The following TBL1XR1 variants were observed in gnomAD, a reference collection of about 807,000 sequenced individuals.
The protein encoded by TBL1XR1 is TBL1X/Y related 1.
In TBL1XR1, 5 loss-of-function variants were observed where a neutral mutation model predicts 66.9. The ratio of observed to expected loss-of-function variants is 0.07; its 90% CI spans 0.04 to 0.16. The LOEUF (loss-of-function observed/expected upper bound fraction) is 0.16. TBL1XR1 is among the 10% of genes least tolerant of loss of function. The pLI is 1.00. For synonymous variants in TBL1XR1, 210 were observed against 206.0 expected (o/e 1.02, Z -0.17); for missense variants, 238 against 623.2 (o/e 0.38, Z 6.58).
intron 3 of TBL1XR1, among the ~76,000 whole-genome samples, chr3:177,061,375 T>C (rs971398077): frequency 6.6e-6 from 1 of 152,204 alleles, no homozygotes; most frequent in Non-Finnish European, 1.5e-5. Context: ...CCCCTGCAGA[T>C]AGATAACACA....
intron 10 of TBL1XR1, among the ~76,000 whole-genome samples, chr3:177,039,995 C>T (rs906273748): frequency 6.6e-6 from 1 of 152,088 alleles, no homozygotes; most frequent in Non-Finnish European, 1.5e-5. Flanking sequence ...AGTTTGTCAA[C>T]CCTAATTTAA....
upstream of TBL1XR1, among the ~76,000 whole-genome samples, chr3:177,198,263 T>A (rs1032484751): frequency 2.0e-5 from 3 of 152,170 alleles, no homozygotes; most frequent in African/African-American, 7.2e-5. Context: ...AAAGCTGTAA[T>A]TGAAGTATTT....
In TBL1XR1 at chr3:177,054,429, A is replaced by G. The variant is rs1204903400; in HGVS notation, c.59-511T>C. Among the ~76,000 whole-genome samples, 7 of 152,290 alleles carry G rather than the reference A, an allele frequency of 4.6e-5. No individual in the cohort carries two copies. In the South Asian group the frequency reaches 1.2e-3, roughly 27 times the overall value. On this transcript the variant is annotated intron_variant, in intron 3 of 15. Transcript: ENST00000457928. ...TCAGCATCTCTCAAAAGTGGTACAC[A>G]TAATATGCTTTAAATAGGAATTCAT...
At chr3:177,162,803 C>T (rs1440666486) in intron 1 of TBL1XR1, among the ~76,000 whole-genome samples, 1 of 152,092 alleles carries the variant, frequency 6.6e-6, no homozygotes, top group Non-Finnish European at 1.5e-5. Flanking sequence ...CTTAAATATA[C>T]AAAAAGATGC....
intron 1 of TBL1XR1, among the ~76,000 whole-genome samples, chr3:177,164,377 G>C (rs578166580): frequency 6.7e-6 from 1 of 149,278 alleles, no homozygotes; most frequent in East Asian, 1.9e-4. Flanking sequence ...GAAATGTGGA[G>C]TCTTGCCTGT....
intron 1 of TBL1XR1, among the ~76,000 whole-genome samples, chr3:177,173,498 T>C (rs913301614): frequency 3.3e-5 from 5 of 152,166 alleles, no homozygotes; most frequent in Admixed American, 1.3e-4. Flanking sequence ...ATCAACTCTA[T>C]GGTATTGTAC....
intron 1 of TBL1XR1, among the ~76,000 whole-genome samples, chr3:177,100,550 G>A (rs1422306069): frequency 6.6e-6 from 1 of 151,698 alleles, no homozygotes; most frequent in Non-Finnish European, 1.5e-5. Flanking sequence ...TCAGCCTCCT[G>A]AGTAGCTGGC....
intron 2 of TBL1XR1, among the ~76,000 whole-genome samples, chr3:177,095,637 G>A (rs542489064): frequency 4.6e-5 from 7 of 151,914 alleles, no homozygotes; most frequent in Middle Eastern, 3.4e-3. Flanking sequence ...GCGCCACCAC[G>A]CCTGGCTAAT....
At chr3:177,050,640 C>T (rs900435666) in intron 5 of TBL1XR1, 30 bp from the exon 6 acceptor site, 4 of 1,612,540 alleles carry the variant, frequency 2.5e-6, no homozygotes, top group Non-Finnish European at 3.4e-6. Flanking sequence ...TAAGCATTTC[C>T]AGTTAGGCAG....
chr3:177,060,381 T>A (rs1043102778), intron 3 of TBL1XR1, among the ~76,000 whole-genome samples: 5 of 152,192 alleles, frequency 3.3e-5, no homozygotes. Context: ...CTCATTTTAG[T>A]AACAAGGACA....
intron 1 of TBL1XR1, among the ~76,000 whole-genome samples, chr3:177,103,958 A>G (rs1037274823): frequency 3.9e-5 from 6 of 152,086 alleles, no homozygotes; most frequent in Non-Finnish European, 8.8e-5. Flanking sequence ...TCTAATGAAA[A>G]TACAAAAATT....
chr3:177,050,567 G>T lies in TBL1XR1; in HGVS notation c.471C>A (p.Ile157=). 6.2e-7 allele frequency: 1 copy of T among 1,613,770 alleles called. No homozygotes were observed. The highest frequency in any genetic ancestry group is 1.1e-5 in the South Asian group (1 of 91,060). ...GCAACACAACAGCTTTATTAGGAGG[G>T]ATTTCAACATCCCCATCCACTTCCA... ...DMMEVDGDVE[I]PPNKAVVLRG... is the part of the protein sequence containing the mutation. Residue 157 remains isoleucine, a synonymous_variant, in exon 6 of 16, where the codon ATC becomes ATA. Transcript: ENST00000457928.
At chr3:177,152,447 C>T (rs942851602) in intron 1 of TBL1XR1, among the ~76,000 whole-genome samples, 2 of 152,178 alleles carry the variant, frequency 1.3e-5, no homozygotes, top group African/African-American at 2.4e-5. Flanking sequence ...CCACCACGCC[C>T]GGCTAATTTT....
rs1289685291 is a variant in TBL1XR1, at chr3:177,098,461, CTTA to C, written c.-46+2_-46+4del. ...ACACTGACATTGGGAGTTGGAGAGTCTTACCATTGGCAGTGCATTGATGTGGGG... is the reference window on the plus strand; with the variant it reads ...ACACTGACATTGGGAGTTGGAGAGTCCCATTGGCAGTGCATTGATGTGGGG... On this transcript the variant is annotated splice_donor_variant and splice_donor_region_variant and intron_variant, in intron 2 of 15. Transcript: ENST00000457928. LOFTEE classifies it low-confidence loss of function (5UTR_SPLICE). The C allele has an allele frequency of 1.0e-6, 1 of 985,092 alleles. No homozygotes were observed. Among genetic ancestry groups the C allele is most frequent in the Non-Finnish European group, 1.2e-6 (1 of 829,418 alleles). 61.0% of individuals were successfully genotyped at this position (985,092 alleles called of 1,614,324 possible). A position where few individuals can be genotyped will look rare whatever the true frequency, so the allele number is the denominator to read the frequency against.
At chr3:177,167,910 G>C (rs1349353923) in intron 1 of TBL1XR1, among the ~76,000 whole-genome samples, 2 of 151,824 alleles carry the variant, frequency 1.3e-5, no homozygotes, top group Non-Finnish European at 2.9e-5. Flanking sequence ...TGGGCAACAA[G>C]AGCGAAACAC....
chr3:177,183,844 G>C (rs1735105735), intron 1 of TBL1XR1, among the ~76,000 whole-genome samples: 1 of 149,382 alleles, frequency 6.7e-6, no homozygotes, highest in Non-Finnish European at 1.5e-5. Context: ...GCTCACGCCT[G>C]TAATCCCAGC....
At chr3:177,040,813 A>T (rs565009699) in intron 10 of TBL1XR1, among the ~76,000 whole-genome samples, 1 of 152,338 alleles carries the variant, frequency 6.6e-6, no homozygotes, top group Non-Finnish European at 1.5e-5. Context: ...ATATTTCTAC[A>T]ATGAAAAACT....
intron 1 of TBL1XR1, among the ~76,000 whole-genome samples, chr3:177,134,665 C>T (rs1728689802): frequency 6.6e-6 from 1 of 152,056 alleles, no homozygotes; most frequent in Admixed American, 6.6e-5. Context: ...AGACTCTGTT[C>T]CTTAAAATTT....
chr3:177,031,201 G>T (rs916270713), intron 14 of TBL1XR1, among the ~76,000 whole-genome samples: 4 of 152,114 alleles, frequency 2.6e-5, no homozygotes, highest in African/African-American at 7.2e-5. Flanking sequence ...TAAAATTTAG[G>T]AAAGAGTTTT....
Sources: gnomAD v4.1 joint callset for allele counts (sites outside exome capture counted in the v4.1 genomes callset) on GRCh38, gnomAD v4.1.1 for gene constraint, MANE v1.5 for transcripts, NCBI Gene and HGNC (gene_info 2026-07-23, HGNC 2026-07-21) for gene names.